Variants in PCDH1 observed in about 807,000 individuals in gnomAD.
The protein encoded by PCDH1 is protocadherin-1.
A neutral mutation model predicts 74.6 loss-of-function variants in PCDH1; 23 were observed. The observed-to-expected ratio is 0.31, with a 90% CI of 0.22 to 0.44. The LOEUF (loss-of-function observed/expected upper bound fraction) is 0.44. PCDH1 is among the 20% of genes least tolerant of loss of function. The pLI is 1.00. For synonymous variants in PCDH1, 647 were observed against 686.1 expected (o/e 0.94, Z 0.89); for missense variants, 1,214 against 1,641.4 (o/e 0.74, Z 4.50).
At position 141,857,258 on chromosome 5, in the gene PCDH1, C is replaced by A; in HGVS notation, c.3313G>T (p.Glu1105Ter). ...DGSIGEMEHP[E>*]NDLRPLPDVA... is the part of the protein sequence containing the mutation. The stretch of plus-strand genomic sequence containing the variant: ...CCATGGTGCTGCGCCTCACCATTCT[C>A]GGGGTGCTCCATCTCTCCTATGCTG... Residue 1105 changes from glutamate (E) to a stop codon, truncating the protein, a stop_gained, in exon 4 of 5, where the codon GAG becomes TAG. Transcript: ENST00000287008. LOFTEE classifies it high-confidence loss of function. The A allele has an allele frequency of 6.3e-7, 1 of 1,575,056 alleles. No homozygotes were observed. The highest frequency in any genetic ancestry group is 8.6e-7 in the Non-Finnish European group (1 of 1,161,896).
chr5:141,854,330 G>A lies in PCDH1; in HGVS notation c.3426C>T (p.Ser1142=). The A allele has an allele frequency of 6.2e-7, 1 of 1,613,894 alleles. No homozygotes were observed. Among genetic ancestry groups the A allele is most frequent in the South Asian group, 1.1e-5 (1 of 91,072 alleles). The change falls in exon 5 of 5, where the codon AGC becomes AGT. Residue 1142 remains serine, a synonymous_variant. Transcript: ENST00000287008. ...TCWMPGQSSP[S]RRTKSSALKL... The stretch of plus-strand genomic sequence containing the variant: ...TGAGGGCGCTGCTCTTGGTCCGGCG[G>A]CTGGGAGATGACTGGCCAGGCATCC...
chr5:141,854,587 A>G, intron 4 of PCDH1, 151 bp from the exon 5 acceptor site: 1 of 724,770 alleles, frequency 1.4e-6, no homozygotes, highest in Non-Finnish European at 2.2e-6. Context: ...CACACCCTCA[A>G]AGAGACACAT....
chr5:141,864,389 G>C lies in PCDH1; in HGVS notation c.1942C>G (p.Gln648Glu), dbSNP rs371172915. The change falls in exon 3 of 5, where the codon CAG becomes GAG. Residue 648 changes from glutamine to glutamate, a missense_variant. Physicochemically the swap from Gln to Glu is conservative, Grantham distance 29. Coordinates refer to ENST00000287008, the MANE Select transcript of PCDH1 (RefSeq NM_032420.5). The surrounding 1 kb of genome is among the most constrained non-coding windows in gnomAD (Gnocchi z 5.9). ...CCGTTGTCCTGCTCCACTGAGAGCT[G>C]CACCTGGGCATTCTCCCCCTTGTCT... The part of the protein sequence containing the change: ...DGDKGENAQV[Q>E]LSVEQDNGDF... The C allele has an allele frequency of 4.3e-6, 7 of 1,614,060 alleles. No individual in the cohort carries two copies. The South Asian group carries it at 5.5e-5, about 13-fold the overall frequency.
At chr5:141,872,762 A>G (rs1219777601) in intron 1 of PCDH1, among the ~76,000 whole-genome samples, 2 of 152,144 alleles carry the variant, frequency 1.3e-5, no homozygotes, top group East Asian at 1.9e-4. Flanking sequence ...AAAAGAACCA[A>G]TTAAGGACTG....
At chr5:141,854,545 G>T in intron 4 of PCDH1, 109 bp from the exon 5 acceptor site, 2 of 1,147,286 alleles carry the variant, frequency 1.7e-6, no homozygotes, top group African/African-American at 1.6e-5. Flanking sequence ...AGGAGTATGC[G>T]CCCCTTCCTG....
chr5:141,854,492 T>C, intron 4 of PCDH1, 56 bp from the exon 5 acceptor site: 1 of 1,531,086 alleles, frequency 6.5e-7, no homozygotes. Flanking sequence ...TGCAAAGCTC[T>C]GCTTCATGGC....
intron 4 of PCDH1, among the ~76,000 whole-genome samples, chr5:141,856,466 G>C (rs1752343375): frequency 6.6e-6 from 1 of 152,054 alleles, no homozygotes; most frequent in African/African-American, 2.4e-5. Context: ...GAGTGGGTGG[G>C]ACCCGAGGAC....
Position 141,864,746 on chromosome 5 carries a change from T to C in PCDH1, c.1585A>G (p.Thr529Ala). 4 of 1,614,158 alleles carry C rather than the reference T, an allele frequency of 2.5e-6. No homozygotes were observed. Among genetic ancestry groups the C allele is most frequent in the East Asian group, 2.2e-5 (1 of 44,882 alleles). ...NKPGEVIAEI[T>A]ASDADSGSNA... Reference sequence around the variant, plus strand: ...GAGCCAGAGTCAGCATCACTGGCAGTGATCTCAGCAATCACTTCACCAGGC... The same window carrying C: ...GAGCCAGAGTCAGCATCACTGGCAGCGATCTCAGCAATCACTTCACCAGGC... Residue 529 changes from threonine to alanine, a missense_variant, in exon 3 of 5, where the codon ACT (threonine) becomes GCT (alanine). Coordinates refer to ENST00000287008, the MANE Select transcript of PCDH1 (RefSeq NM_032420.5). The surrounding 1 kb of genome is among the most constrained non-coding windows in gnomAD (Gnocchi z 5.9).
chr5:141,863,087 C>T lies in PCDH1; in HGVS notation c.3099+145G>A, dbSNP rs1279036294. 2.9e-6 allele frequency: 4 copies of T among 1,391,262 alleles called. No homozygotes were observed. The highest frequency in any genetic ancestry group is 9.4e-7 in the Non-Finnish European group (1 of 1,068,280). 86.2% of individuals were successfully genotyped at this position (1,391,262 alleles called of 1,614,324 possible). A position where few individuals can be genotyped will look rare whatever the true frequency, so the allele number is the denominator to read the frequency against. On this transcript the variant is annotated intron_variant, in intron 3 of 4. Coordinates refer to ENST00000287008, the MANE Select transcript of PCDH1 (RefSeq NM_032420.5). The surrounding 1 kb of genome is among the most constrained non-coding windows in gnomAD (Gnocchi z 7.5). ...TGTGCCCGGTGAGGCACTAAGGCCC[C>T]ACCTCCCACTGCTGGCTCAGGCTGG...
intron 3 of PCDH1, 30 bp from the exon 4 acceptor site, chr5:141,857,501 C>A: frequency 6.3e-7 from 1 of 1,594,418 alleles, no homozygotes; most frequent in Non-Finnish European, 8.6e-7. Flanking sequence ...CACTACTGAC[C>A]AGCCAGCTTG....
chr5:141,869,117 C>G lies in PCDH1; in HGVS notation c.355G>C (p.Gly119Arg), dbSNP rs1351434822. 7 of 1,613,920 alleles carry G rather than the reference C, an allele frequency of 4.3e-6. No homozygotes were observed. The highest frequency in any genetic ancestry group is 3.3e-5 in the Admixed American group (2 of 59,992). The change falls in exon 2 of 5, where the codon GGG becomes CGG. Residue 119 changes from glycine (G) to arginine (R), a missense_variant. Transcript: ENST00000287008. This position sits in a 1 kb window ranked among gnomAD's most constrained non-coding sequence, Gnocchi z 4.9. ...AGCTGGTTCTGGCATTCACGGAGCCCCTCACGGTCGATGGAGGTCTCGGTG... is the reference window on the plus strand; with the variant it reads ...AGCTGGTTCTGGCATTCACGGAGCCGCTCACGGTCGATGGAGGTCTCGGTG... ...FTTETSIDRE[G>R]LRECQNQLPG...
rs368129874 is a variant in PCDH1 at position 141,857,461 on chromosome 5, C to T, written c.3110G>A (p.Arg1037His). The change falls in exon 4 of 5, where the codon CGC becomes CAC. Residue 1037 changes from arginine (R) to histidine (H), a missense_variant. Coordinates refer to ENST00000287008, the MANE Select transcript of PCDH1 (RefSeq NM_032420.5). ...GCTGGTGGCCGAGAAGGTGACGCGG[C>T]GGTGAGGTAACTGCAGGGAGACAGA... ...PKYPSKQLPH[R>H]RVTFSATSQA... 8 of 1,613,194 alleles carry T rather than the reference C, an allele frequency of 5.0e-6. No individual in the cohort carries two copies. Among genetic ancestry groups the T allele is most frequent in the African/African-American group, 1.3e-5 (1 of 74,860 alleles).
At position 141,869,651 on chromosome 5, in the gene PCDH1, G is replaced by A; in HGVS notation, c.41-220C>T. 5 of 1,532,872 alleles carry A rather than the reference G, an allele frequency of 3.3e-6. No homozygotes were observed. The highest frequency in any genetic ancestry group is 1.2e-5 in the South Asian group (1 of 83,166). The allele number at this position is 1,532,872 out of a possible 1,614,324, so 95.0% of individuals were successfully genotyped here. On this transcript the variant is annotated intron_variant, in intron 1 of 4. Coordinates refer to ENST00000287008, the MANE Select transcript of PCDH1 (RefSeq NM_032420.5). This position sits in a 1 kb window ranked among gnomAD's most constrained non-coding sequence, Gnocchi z 4.9. ...GTGTCTGCCCCAGCTGGAGGAGCCA[G>A]TAAGAGGCCTGGCATGCCTAGAGCA...
chr5:141,865,029 C>T lies in PCDH1; in HGVS notation c.1302G>A (p.Val434=), dbSNP rs763688489. ...GCAGCTGGAAGGGCACATCACCTGC[C>T]ACCACACAGGTGACAGCTGCATTCT... The part of the protein sequence containing the change: ...EGENAAVTCV[V]AGDVPFQLRQ... The change falls in exon 3 of 5, where the codon GTG becomes GTA. Residue 434 remains valine (V), a synonymous_variant. Transcript: ENST00000287008. The surrounding 1 kb of genome is among the most constrained non-coding windows in gnomAD (Gnocchi z 4.4). 1.6e-5 allele frequency: 26 copies of T among 1,614,020 alleles called. No individual in the cohort carries two copies. Among genetic ancestry groups the T allele is most frequent in the Non-Finnish European group, 2.1e-5 (25 of 1,180,012 alleles).
rs1596545550 is a variant in PCDH1, at chr5:141,857,474, G to A, written c.3100-3C>T. 1.2e-6 allele frequency: 2 copies of A among 1,612,492 alleles called. No homozygotes were observed. Among genetic ancestry groups the A allele is most frequent in the South Asian group, 2.2e-5 (2 of 90,784 alleles). ...AAGGTGACGCGGCGGTGAGGTAACT[G>A]CAGGGAGACAGATTGTCACTACTGA... On this transcript the variant is annotated splice_polypyrimidine_tract_variant and splice_region_variant and intron_variant, in intron 3 of 4. Transcript: ENST00000287008.
At chr5:141,857,214 C>T in intron 4 of PCDH1, 38 bp downstream of exon 4, 2 of 1,476,730 alleles carry the variant, frequency 1.4e-6, no homozygotes, top group Non-Finnish European at 1.8e-6. Context: ...GGCTTCCACT[C>T]ATTCCTGGGG....
At chr5:141,877,448 G>A (rs1753269215) in intron 1 of PCDH1, among the ~76,000 whole-genome samples, 1 of 152,194 alleles carries the variant, frequency 6.6e-6, no homozygotes, top group African/African-American at 2.4e-5. Flanking sequence ...GCTAGGGTGT[G>A]TTCCTTAAAG....
At position 141,865,068 on chromosome 5, in the gene PCDH1, G is replaced by A; in HGVS notation, c.1263C>T (p.Asp421=). 6.2e-7 allele frequency: 1 copy of A among 1,614,120 alleles called. No individual in the cohort carries two copies. The highest frequency in any genetic ancestry group is 8.5e-7 in the Non-Finnish European group (1 of 1,180,020). The change falls in exon 3 of 5, where the codon GAC becomes GAT. Residue 421 remains aspartate, a synonymous_variant. Coordinates refer to ENST00000287008, the MANE Select transcript of PCDH1 (RefSeq NM_032420.5). This position sits in a 1 kb window ranked among gnomAD's most constrained non-coding sequence, Gnocchi z 4.4. The part of the protein sequence containing the change: ...ETAVALVQVS[D]RDEGENAAVT... Reference sequence around the variant, plus strand: ...CAGCTGCATTCTCTCCCTCATCTCGGTCAGACACCTGCACCAGGGCCACAG... The same window carrying A: ...CAGCTGCATTCTCTCCCTCATCTCGATCAGACACCTGCACCAGGGCCACAG...
At chr5:141,857,530 A>ATACC in intron 3 of PCDH1, 59 bp from the exon 4 acceptor site, 1 of 1,443,508 alleles carries the variant, frequency 6.9e-7, no homozygotes, top group South Asian at 1.3e-5. Flanking sequence ...GCCCACCACC[A>ATACC]TACCAGGCCC....
Sources: allele counts gnomAD v4.1 joint callset (sites outside exome capture counted in the v4.1 genomes callset), GRCh38; gene constraint gnomAD v4.1.1; non-coding constraint Gnocchi (gnomAD v3.1); transcripts MANE v1.5; gene names NCBI Gene and HGNC (gene_info 2026-07-23, HGNC 2026-07-21).